The following WIPF3 variants were observed in gnomAD, a reference collection of about 807,000 sequenced individuals.
The protein encoded by WIPF3 is WAS/WASL-interacting protein family member 3.
Under a neutral mutation model 38.9 loss-of-function variants are expected in WIPF3, and 33 were observed. That is an observed-to-expected ratio of 0.85 (90% confidence interval 0.64 to 1.14). The LOEUF is 1.14. WIPF3 is among the 50% of genes most tolerant of loss of function. The pLI, the probability that WIPF3 is intolerant of heterozygous loss-of-function variation, is 0.00. For missense variants in WIPF3, 711 were observed against 652.5 expected (o/e 1.09, Z -0.98); for synonymous variants, 324 against 269.3 (o/e 1.20, Z -1.99).
intron 5 of WIPF3, 134 bp from the exon 6 acceptor site, chr7:29,887,934 G>C: frequency 9.4e-7 from 1 of 1,061,908 alleles, no homozygotes; most frequent in Non-Finnish European, 1.3e-6. Flanking sequence ...CAAGCAGGTT[G>C]ACTCCAGAGG....
intron 3 of WIPF3, among the ~76,000 whole-genome samples, chr7:29,876,929 C>A (rs1399965158): frequency 6.6e-6 from 1 of 152,068 alleles, no homozygotes; most frequent in East Asian, 1.9e-4. Flanking sequence ...GGAGACAATA[C>A]CTGGCTCCTT....
chr7:29,810,710 T>C lies in WIPF3; in HGVS notation c.-58+4032T>C, dbSNP rs115010477. ...CTTCTTTAAGAAATTATTTATTCTT[T>C]TGTATAACTTATGTAAGTCAGAATC... On this transcript the variant is annotated intron_variant, in intron 1 of 8. Transcript: ENST00000242140. Among the ~76,000 whole-genome samples, 1,005 of 152,360 alleles carry C rather than the reference T, an allele frequency of 6.6e-3. 14 individuals are homozygous for C. The highest frequency in any genetic ancestry group is 0.023 in the African/African-American group (964 of 41,578).
At chr7:29,885,371 G>A (rs1237731336) in intron 5 of WIPF3, among the ~76,000 whole-genome samples, 1 of 152,124 alleles carries the variant, frequency 6.6e-6, no homozygotes, top group African/African-American at 2.4e-5. Context: ...TCAAACATAT[G>A]CACACTCATA....
chr7:29,843,026 T>A (rs1784939712), intron 2 of WIPF3, among the ~76,000 whole-genome samples: 2 of 152,196 alleles, frequency 1.3e-5, no homozygotes, highest in Admixed American at 1.3e-4. Context: ...GGCCAAGCTG[T>A]TAGGATAGTA....
intron 1 of WIPF3, among the ~76,000 whole-genome samples, chr7:29,815,918 G>C (rs1784447760): frequency 6.6e-6 from 1 of 152,126 alleles, no homozygotes; most frequent in African/African-American, 2.4e-5. Flanking sequence ...CAGGAAGTCT[G>C]TGTGCAAGGC....
At chr7:29,890,831 G>GC (rs1384639471) in intron 7 of WIPF3, among the ~76,000 whole-genome samples, 1 of 145,498 alleles carries the variant, frequency 6.9e-6, no homozygotes. Context: ...GCGCAGACCT[G>GC]CCCTGTGCTC....
chr7:29,845,113 A>G (rs375593672), intron 2 of WIPF3, among the ~76,000 whole-genome samples: 30 of 150,544 alleles, frequency 2.0e-4, no homozygotes, highest in African/African-American at 7.3e-4. Flanking sequence ...AAAAAAAAAA[A>G]CACAAAAAAC....
chr7:29,845,659 C>T (rs1258967574), intron 2 of WIPF3, among the ~76,000 whole-genome samples: 1 of 152,218 alleles, frequency 6.6e-6, no homozygotes, highest in African/African-American at 2.4e-5. Flanking sequence ...GCATATCAGG[C>T]ATTAGATGTG....
chr7:29,901,218 G>A (rs1028358184), intron 7 of WIPF3, among the ~76,000 whole-genome samples: 1 of 152,076 alleles, frequency 6.6e-6, no homozygotes. Flanking sequence ...CCTTCTGTGG[G>A]AAGGGAGCCC....
chr7:29,881,665 A>G (rs1785720340), intron 4 of WIPF3, among the ~76,000 whole-genome samples: 1 of 152,222 alleles, frequency 6.6e-6, no homozygotes, highest in African/African-American at 2.4e-5. Flanking sequence ...AGGGAGTGAG[A>G]ATTACAATAA....
intron 7 of WIPF3, among the ~76,000 whole-genome samples, chr7:29,892,699 C>T (rs562659487): frequency 9.8e-5 from 15 of 152,288 alleles, no homozygotes; most frequent in East Asian, 1.9e-4. Context: ...TCCATTTGGC[C>T]GTGGTGAACT....
Position 29,868,243 on chromosome 7 carries a change from G to A in WIPF3, c.91-7587G>A, listed in dbSNP as rs1286935539. Among the ~76,000 whole-genome samples, 3 of 152,254 alleles carry A rather than the reference G, an allele frequency of 2.0e-5. No individual in the cohort carries two copies. In the East Asian group the frequency reaches 5.8e-4, roughly 29 times the overall value. ...GTGGGGCATCCCCAGAAGAGGAGGT[G>A]GGCTGAGCACAGGCTTGGAAGTGGG... On this transcript the variant is annotated intron_variant, in intron 2 of 8. Transcript: ENST00000242140.
chr7:29,905,234 T>G (rs1258570024), intron 8 of WIPF3: 1 of 152,212 alleles, frequency 6.6e-6, no homozygotes, highest in African/African-American at 2.4e-5. Context: ...ATGCAAGAAT[T>G]GCAGTAACGA....
chr7:29,893,915 A>G (rs1371047177), intron 7 of WIPF3, among the ~76,000 whole-genome samples: 1 of 152,226 alleles, frequency 6.6e-6, no homozygotes. Context: ...GCTGTAAAGG[A>G]CCAGAGAATA....
intron 4 of WIPF3, among the ~76,000 whole-genome samples, chr7:29,881,026 G>A (rs917142): frequency 0.43 from 65,089 of 151,912 alleles, 14,860 homozygotes; most frequent in African/African-American, 0.57. Context: ...GCCACTGGGC[G>A]CTTGCACCGA....
At chr7:29,826,170 T>C (rs1481316431) in intron 1 of WIPF3, among the ~76,000 whole-genome samples, 1 of 152,162 alleles carries the variant, frequency 6.6e-6, no homozygotes, top group African/African-American at 2.4e-5. Flanking sequence ...GCAGGGTTCT[T>C]CAAACTTTAG....
rs530112733 is a variant in WIPF3, at chr7:29,875,958, C to T, written c.219C>T (p.Ile73=). ...TCAACGACCGCAGTGCCCCGCAGAT[C>T]GAGAGTAAGTGAGCAGCCGGGCCAG... ...TQINDRSAPQ[I]ESSKGTNKEG... The change falls in exon 3 of 9, where the codon ATC becomes ATT. Residue 73 remains isoleucine, a synonymous_variant. Transcript: ENST00000242140. 6 of 1,613,530 alleles carry T rather than the reference C, an allele frequency of 3.7e-6. No homozygotes were observed. The highest frequency in any genetic ancestry group is 1.7e-4 in the Middle Eastern group (1 of 5,848).
chr7:29,862,985 C>T (rs913968581), intron 2 of WIPF3, among the ~76,000 whole-genome samples: 3 of 152,208 alleles, frequency 2.0e-5, no homozygotes, highest in Non-Finnish European at 4.4e-5. Flanking sequence ...TGTGGTGCCT[C>T]TCCCTTTTGC....
rs1049829848 is a variant in WIPF3 at position 29,844,151 on chromosome 7, G to A, written c.90+9337G>A. Among the ~76,000 whole-genome samples, 4 of 152,220 alleles carry A rather than the reference G, an allele frequency of 2.6e-5. No homozygotes were observed. Among genetic ancestry groups the A allele is most frequent in the African/African-American group, 9.6e-5 (4 of 41,476 alleles). ...GCTTGCCTATGCACTCTCACATAAA[G>A]GCTGTAAGGACATGGAAAACGTGTC... On this transcript the variant is annotated intron_variant, in intron 2 of 8. Coordinates refer to ENST00000242140, the MANE Select transcript of WIPF3 (RefSeq NM_001080529.3). The surrounding 1 kb of genome is among the most constrained non-coding windows in gnomAD (Gnocchi z 4.8).
Sources: gnomAD v4.1 joint callset for allele counts (sites outside exome capture counted in the v4.1 genomes callset) on GRCh38, gnomAD v4.1.1 for gene constraint, Gnocchi (gnomAD v3.1) non-coding constraint, MANE v1.5 for transcripts, NCBI Gene and HGNC (gene_info 2026-07-23, HGNC 2026-07-21) for gene names.